Variants in BBX observed in about 807,000 individuals in gnomAD.
The protein encoded by BBX is HMG box transcription factor BBX.
A neutral mutation model predicts 100.2 loss-of-function variants in BBX; 30 were observed. The observed-to-expected ratio is 0.30, with a 90% confidence interval of 0.22 to 0.41. The LOEUF (loss-of-function observed/expected upper bound fraction) is 0.41. Ranked by LOEUF, BBX falls within the 10% of genes least tolerant of loss-of-function variation. The pLI is 1.00. For missense variants in BBX, 1,023 were observed against 1,129.8 expected (o/e 0.91, Z 1.35); for synonymous variants, 376 against 388.1 (o/e 0.97, Z 0.37).
At chr3:107,782,809 T>C (rs2068032394) in intron 13 of BBX, among the ~76,000 whole-genome samples, 1 of 152,100 alleles carries the variant, frequency 6.6e-6, no homozygotes, top group African/African-American at 2.4e-5. Flanking sequence ...CCTAAGCCAG[T>C]TTGCATACCA....
chr3:107,581,158 C>T (rs1013900562), intron 2 of BBX, among the ~76,000 whole-genome samples: 8 of 151,964 alleles, frequency 5.3e-5, no homozygotes, highest in African/African-American at 1.9e-4. Context: ...TTTTTCATAT[C>T]CAAGCTGATG....
At chr3:107,733,161 C>T in intron 7 of BBX, 138 bp downstream of exon 7, 2 of 750,822 alleles carry the variant, frequency 2.7e-6, no homozygotes, top group East Asian at 5.7e-5. Flanking sequence ...TCTTTAAGAT[C>T]TTTCTGTGTG....
chr3:107,758,635 A>G (rs929708821), intron 10 of BBX, among the ~76,000 whole-genome samples: 6 of 152,092 alleles, frequency 3.9e-5, no homozygotes, highest in African/African-American at 1.2e-4. Flanking sequence ...CTGTAACCCA[A>G]CCACCCGAGT....
intron 2 of BBX, among the ~76,000 whole-genome samples, chr3:107,610,636 T>A (rs535190493): frequency 1.1e-3 from 166 of 152,284 alleles, no homozygotes; most frequent in Middle Eastern, 3.4e-3. Flanking sequence ...TCTTGAATAC[T>A]ATTTTGTCTG....
chr3:107,665,498 C>G (rs2058690802), intron 3 of BBX, among the ~76,000 whole-genome samples: 1 of 152,162 alleles, frequency 6.6e-6, no homozygotes, highest in Non-Finnish European at 1.5e-5. Flanking sequence ...ATCTACCTTA[C>G]TGAGCTTTAG....
intron 3 of BBX, among the ~76,000 whole-genome samples, chr3:107,702,675 T>G (rs2061152276): frequency 6.6e-6 from 1 of 152,168 alleles, no homozygotes; most frequent in African/African-American, 2.4e-5. Context: ...ACATACATTG[T>G]ACAGGAAAAT....
intron 3 of BBX, among the ~76,000 whole-genome samples, chr3:107,698,633 C>G (rs2108165071): frequency 7.0e-6 from 1 of 143,170 alleles, no homozygotes; most frequent in Non-Finnish European, 1.5e-5. Flanking sequence ...GCCTGGGTGA[C>G]AGAGCGAGAC....
rs1227647230 is a variant in BBX, at chr3:107,679,806, T to A, written c.-9-30646T>A. On this transcript the variant is annotated intron_variant, in intron 3 of 17. Transcript: ENST00000325805. ...ATCTTGATGTCGTAGTACCTAAAAT[T>A]CCTTCATGAAGACTCATTAAAAATT... Among the ~76,000 whole-genome samples the A allele has an allele frequency of 2.0e-5, 3 of 152,190 alleles. No individual in the cohort carries two copies. In the East Asian group the frequency reaches 5.8e-4, roughly 29 times the overall value.
At chr3:107,757,300 T>TA (rs1020220411) in intron 10 of BBX, among the ~76,000 whole-genome samples, 1 of 151,806 alleles carries the variant, frequency 6.6e-6, no homozygotes, top group African/African-American at 2.4e-5. Flanking sequence ...ATAGCAGTCA[T>TA]AAAAAAAGGA....
intron 15 of BBX, among the ~76,000 whole-genome samples, chr3:107,795,849 CT>C (rs879916258): frequency 1.3e-5 from 2 of 152,176 alleles, no homozygotes; most frequent in Non-Finnish European, 2.9e-5. Context: ...ACGCTTCTTA[CT>C]GTGTTTTTAC....
chr3:107,715,534 G>A (rs574873911), intron 4 of BBX, among the ~76,000 whole-genome samples: 80 of 152,188 alleles, frequency 5.3e-4, no homozygotes, highest in African/African-American at 1.9e-3. Context: ...TAAGGAAATG[G>A]GTTTAGTAAA....
chr3:107,599,484 G>A (rs1479043397), intron 2 of BBX: 1 of 152,144 alleles, frequency 6.6e-6, no homozygotes, highest in Non-Finnish European at 1.5e-5. Flanking sequence ...AAAAAAAAGT[G>A]GGGGCAGGCT....
At chr3:107,673,179 A>G (rs144303308) in intron 3 of BBX, among the ~76,000 whole-genome samples, 13 of 152,088 alleles carry the variant, frequency 8.5e-5, no homozygotes, top group African/African-American at 2.4e-4. Flanking sequence ...AAGAGTTATT[A>G]ATAAGAGTTT....
chr3:107,567,946 T>A (rs1452679283), intron 2 of BBX, among the ~76,000 whole-genome samples: 1 of 152,046 alleles, frequency 6.6e-6, no homozygotes, highest in African/African-American at 2.4e-5. Context: ...TTGTAGCTTC[T>A]CCCTAAGCAA....
chr3:107,797,312 TC>T (rs199510110), intron 15 of BBX, among the ~76,000 whole-genome samples: 5,319 of 106,232 alleles, frequency 0.05, 191 homozygotes, highest in Non-Finnish European at 0.073. Flanking sequence ...AGTTTTTTTT[TC>T]CTCTTAGTTT....
At chr3:107,658,967 T>G (rs954252270) in intron 3 of BBX, among the ~76,000 whole-genome samples, 5 of 152,200 alleles carry the variant, frequency 3.3e-5, no homozygotes, top group African/African-American at 1.2e-4. Flanking sequence ...GTAACACCTT[T>G]GATGGCAACT....
At chr3:107,697,462 A>C (rs1013296135) in intron 3 of BBX, among the ~76,000 whole-genome samples, 8 of 151,726 alleles carry the variant, frequency 5.3e-5, no homozygotes, top group African/African-American at 1.9e-4. Context: ...TGGCCTTGTG[A>C]GGTGTCAGTC....
intron 17 of BBX, among the ~76,000 whole-genome samples, chr3:107,801,576 A>G (rs1016799610): frequency 6.6e-6 from 1 of 152,190 alleles, no homozygotes; most frequent in Non-Finnish European, 1.5e-5. Context: ...TTGGAGTCCC[A>G]TTGCAGACTG....
intron 16 of BBX, among the ~76,000 whole-genome samples, chr3:107,800,514 C>T (rs2108026861): frequency 6.6e-6 from 1 of 152,316 alleles, no homozygotes; most frequent in East Asian, 1.9e-4. Context: ...AGCAGGCATA[C>T]TTGCACAGCA....
Sources: allele counts gnomAD v4.1 joint callset (sites outside exome capture counted in the v4.1 genomes callset), GRCh38; gene constraint gnomAD v4.1.1; transcripts MANE v1.5; gene names NCBI Gene and HGNC (gene_info 2026-07-23, HGNC 2026-07-21).